Variants in KCNH5 observed in about 807,000 individuals in gnomAD.
KCNH5 encodes the protein voltage-gated delayed rectifier potassium channel KCNH5.
KCNH5 carries 46 observed loss-of-function variants against 96.1 expected under a neutral mutation model. The observed-to-expected ratio is 0.48, with a 90% CI of 0.38 to 0.61. The LOEUF (loss-of-function observed/expected upper bound fraction) is 0.61. Among genes scored for constraint, KCNH5 ranks in the 20% least tolerant of loss-of-function variants. The probability of loss-of-function intolerance (pLI) is 0.00; values close to 1 mark genes in which losing one functional copy is unlikely to be tolerated. For missense variants in KCNH5, 907 were observed against 1,225.8 expected (o/e 0.74, Z 3.88); for synonymous variants, 439 against 449.8 (o/e 0.98, Z 0.30).
At chr14:62,740,770 T>C (rs1260413355) in intron 10 of KCNH5, among the ~76,000 whole-genome samples, 3 of 152,156 alleles carry the variant, frequency 2.0e-5, no homozygotes, top group African/African-American at 4.8e-5. Flanking sequence ...AAGAAATCAC[T>C]TTTGGATAGT....
At chr14:62,961,216 C>T (rs1890199218) in intron 6 of KCNH5, among the ~76,000 whole-genome samples, 1 of 152,060 alleles carries the variant, frequency 6.6e-6, no homozygotes, top group Non-Finnish European at 1.5e-5. Context: ...CACAACCTAC[C>T]CCTGCCTACC....
At chr14:62,993,771 A>C (rs192640385) in intron 4 of KCNH5, among the ~76,000 whole-genome samples, 2 of 152,188 alleles carry the variant, frequency 1.3e-5, no homozygotes, top group African/African-American at 2.4e-5. Context: ...AACTTTTCCA[A>C]GTGATACATT....
chr14:62,739,940 G>C (rs932008652), intron 10 of KCNH5, among the ~76,000 whole-genome samples: 2 of 152,114 alleles, frequency 1.3e-5, no homozygotes, highest in African/African-American at 4.8e-5. Flanking sequence ...AAACCTTTCA[G>C]CAAAGTAAGA....
chr14:62,988,684 T>C (rs1184906044), intron 4 of KCNH5, among the ~76,000 whole-genome samples: 1 of 142,066 alleles, frequency 7.0e-6, no homozygotes, highest in African/African-American at 2.9e-5. Flanking sequence ...CCCTGTACAA[T>C]GTGCTGTGGA....
chr14:63,028,006 T>C lies in KCNH5; in HGVS notation c.74-11052A>G, dbSNP rs796536550. Among the ~76,000 whole-genome samples, 12 of 152,244 alleles carry C rather than the reference T, an allele frequency of 7.9e-5. 1 individual carries two copies. The highest frequency in any genetic ancestry group is 2.9e-4 in the African/African-American group (12 of 41,566). Reference sequence around the variant, plus strand: ...ATTTCTAACCTATTTCAATTTTGGCTGCATTAATCAAGACCTGTTAAATCA... The same window carrying C: ...ATTTCTAACCTATTTCAATTTTGGCCGCATTAATCAAGACCTGTTAAATCA... On this transcript the variant is annotated intron_variant, in intron 1 of 10. Coordinates refer to ENST00000322893, the MANE Select transcript of KCNH5 (RefSeq NM_139318.5).
At chr14:62,949,801 T>A (rs1295194178) in intron 7 of KCNH5, 1 of 103,626 alleles carries the variant, frequency 9.7e-6, no homozygotes, top group South Asian at 2.2e-4. Flanking sequence ...ATCCTATCTC[T>A]TTTTTTTTTT....
intron 6 of KCNH5, among the ~76,000 whole-genome samples, chr14:62,962,759 T>C (rs947751377): frequency 6.6e-6 from 1 of 152,178 alleles, no homozygotes; most frequent in African/African-American, 2.4e-5. Flanking sequence ...AACAAAGCAC[T>C]AAAGTCTCCT....
chr14:62,941,123 C>T lies in KCNH5; in HGVS notation c.1369+9010G>A, dbSNP rs542979069. On this transcript the variant is annotated intron_variant, in intron 7 of 10. Coordinates refer to ENST00000322893, the MANE Select transcript of KCNH5 (RefSeq NM_139318.5). ...AGTGTTTCTTAAATACCAATGTATACCAGAACACCTGGCACAAGGCTGAAT... is the reference window on the plus strand; with the variant it reads ...AGTGTTTCTTAAATACCAATGTATATCAGAACACCTGGCACAAGGCTGAAT... 3.3e-5 allele frequency among the ~76,000 whole-genome samples: 5 copies of T among 152,142 alleles called. No individual in the cohort carries two copies. In the East Asian group the frequency reaches 7.7e-4, roughly 23 times the overall value.
intron 7 of KCNH5, among the ~76,000 whole-genome samples, chr14:62,928,765 C>T (rs146697564): frequency 5.5e-4 from 84 of 152,160 alleles, no homozygotes; most frequent in African/African-American, 1.8e-3. Flanking sequence ...CTACAGCATA[C>T]CTCACTCCTA....
chr14:62,746,071 AGAAAAGAAGTGT>A (rs1274338114), intron 10 of KCNH5, among the ~76,000 whole-genome samples: 1 of 152,208 alleles, frequency 6.6e-6, no homozygotes, highest in South Asian at 2.1e-4. Context: ...AGGAAGTGGG[AGAAAAGAAGTGT>A]GAATTCATCA....
chr14:63,022,220 T>G (rs1243707355), intron 1 of KCNH5, among the ~76,000 whole-genome samples: 3 of 152,162 alleles, frequency 2.0e-5, no homozygotes, highest in Admixed American at 2.0e-4. Context: ...GAGCCATCAA[T>G]CAACATTTAT....
intron 8 of KCNH5, among the ~76,000 whole-genome samples, chr14:62,841,863 G>C (rs991717195): frequency 7.9e-5 from 12 of 152,232 alleles, no homozygotes; most frequent in African/African-American, 2.9e-4. Context: ...TTATGGTCTA[G>C]ATGAAGTAGG....
At chr14:63,015,311 T>C (rs1566541801) in intron 2 of KCNH5, among the ~76,000 whole-genome samples, 1 of 152,004 alleles carries the variant, frequency 6.6e-6, no homozygotes, top group Non-Finnish European at 1.5e-5. Context: ...GGAATCTGTT[T>C]TGCAAAACCT....
intron 10 of KCNH5, among the ~76,000 whole-genome samples, chr14:62,731,854 C>T (rs35651857): frequency 0.22 from 33,708 of 152,058 alleles, 5,730 homozygotes; most frequent in African/African-American, 0.47. Flanking sequence ...ACTAATCTAA[C>T]AAAACTCTGA....
chr14:62,900,703 A>G (rs193180007), intron 7 of KCNH5, among the ~76,000 whole-genome samples: 64 of 152,242 alleles, frequency 4.2e-4, no homozygotes, highest in African/African-American at 1.5e-3. Flanking sequence ...TAATGAAGGA[A>G]ATCAGTAAGA....
At chr14:62,744,665 T>G (rs1015381678) in intron 10 of KCNH5, among the ~76,000 whole-genome samples, 1 of 152,186 alleles carries the variant, frequency 6.6e-6, no homozygotes, top group Non-Finnish European at 1.5e-5. Flanking sequence ...GTTTGCATAT[T>G]ATAGATTCGT....
In KCNH5 at chr14:63,000,835, AG is replaced by A. The variant is rs574889103; in HGVS notation, c.433+495del. Among the ~76,000 whole-genome samples, 34 of 152,334 alleles carry A rather than the reference AG, an allele frequency of 2.2e-4. No homozygotes were observed. In the South Asian group the frequency reaches 6.4e-3, roughly 29 times the overall value. ...ACGTCTGTAATCCCAGCACTTTGGG[AG>A]GCCAAGGGGGGTCAGATAACTTGAG... On this transcript the variant is annotated intron_variant, in intron 4 of 10. Transcript: ENST00000322893.
At chr14:62,806,417 C>T (rs1765886866) in intron 8 of KCNH5, among the ~76,000 whole-genome samples, 1 of 152,096 alleles carries the variant, frequency 6.6e-6, no homozygotes, top group South Asian at 2.1e-4. Context: ...TTTCCTGTAA[C>T]ATATTTCTGG....
chr14:62,857,565 G>A (rs1044180423), intron 7 of KCNH5, among the ~76,000 whole-genome samples: 2 of 152,132 alleles, frequency 1.3e-5, no homozygotes, highest in African/African-American at 4.8e-5. Context: ...GAGCCAACCC[G>A]AGTCCCAAAA....
Sources: allele counts gnomAD v4.1 joint callset (sites outside exome capture counted in the v4.1 genomes callset), GRCh38; gene constraint gnomAD v4.1.1; transcripts MANE v1.5; gene names NCBI Gene and HGNC (gene_info 2026-07-23, HGNC 2026-07-21).